Variants in PHF14 observed in about 807,000 individuals in gnomAD.
PHF14 encodes PHD finger protein 14.
Under a neutral mutation model 117.9 loss-of-function variants are expected in PHF14, and 55 were observed. The ratio of observed to expected loss-of-function variants is 0.47; its 90% CI spans 0.38 to 0.58. The LOEUF is 0.58. Ranked by LOEUF, PHF14 falls within the 20% of genes least tolerant of loss-of-function variation. The pLI is 0.00. For missense variants in PHF14, 978 were observed against 1,122.2 expected (o/e 0.87, Z 1.84); for synonymous variants, 409 against 368.6 (o/e 1.11, Z -1.26).
At chr7:11,003,647 T>A (rs996719876) in intron 4 of PHF14, among the ~76,000 whole-genome samples, 2 of 152,184 alleles carry the variant, frequency 1.3e-5, no homozygotes, top group Non-Finnish European at 1.5e-5. Context: ...AAATTACCTA[T>A]TTTTTTGTTT....
chr7:11,103,889 T>A, intron 16 of PHF14: 4 of 981,130 alleles, frequency 4.1e-6, no homozygotes, highest in Non-Finnish European at 4.8e-6. Flanking sequence ...AGGAAAAATA[T>A]TCATAATCTT....
At chr7:11,100,985 C>T (rs553002645) in intron 16 of PHF14, among the ~76,000 whole-genome samples, 6 of 151,918 alleles carry the variant, frequency 3.9e-5, no homozygotes, top group African/African-American at 1.4e-4. Context: ...CCTTTGAAAA[C>T]AATTTTTTCT....
At chr7:11,107,629 TC>T (rs1380135170) in intron 16 of PHF14, 1 of 719,596 alleles carries the variant, frequency 1.4e-6, no homozygotes, top group Non-Finnish European at 1.7e-6. Context: ...AGTTTTGTAT[TC>T]TTTTTTAATA....
chr7:11,132,708 C>T (rs1277538036), intron 17 of PHF14, among the ~76,000 whole-genome samples: 1 of 151,680 alleles, frequency 6.6e-6, no homozygotes, highest in Non-Finnish European at 1.5e-5. Context: ...TACCAACTTA[C>T]ATTCCTACTA....
intron 3 of PHF14, among the ~76,000 whole-genome samples, chr7:10,987,512 C>A (rs1367034397): frequency 6.6e-6 from 1 of 151,860 alleles, no homozygotes; most frequent in African/African-American, 2.4e-5. Context: ...AGTTTTAAAT[C>A]CTGATGGAAA....
At chr7:11,071,303 A>G (rs1227783071) in intron 16 of PHF14, 1 of 518,310 alleles carries the variant, frequency 1.9e-6, no homozygotes, top group African/African-American at 1.9e-5. Flanking sequence ...ATTTGATCAC[A>G]AGCTCCTGTG....
At chr7:10,981,238 C>A (rs1371754700) in intron 2 of PHF14, among the ~76,000 whole-genome samples, 2 of 152,020 alleles carry the variant, frequency 1.3e-5, no homozygotes, top group Non-Finnish European at 2.9e-5. Flanking sequence ...TTTACTTTTT[C>A]CACCATTTTA....
intron 4 of PHF14, among the ~76,000 whole-genome samples, chr7:10,994,450 T>A (rs1419970710): frequency 6.6e-6 from 1 of 152,028 alleles, no homozygotes; most frequent in Non-Finnish European, 1.5e-5. Context: ...AAAAAAAAGA[T>A]CTTGAAGTGG....
intron 13 of PHF14, among the ~76,000 whole-genome samples, chr7:11,044,373 T>A (rs1389399127): frequency 2.0e-5 from 3 of 152,050 alleles, no homozygotes; most frequent in Non-Finnish European, 4.4e-5. Context: ...GGTGTTTTAG[T>A]GAGAGCACTT....
chr7:11,004,543 C>G (rs1415993696), intron 4 of PHF14, among the ~76,000 whole-genome samples: 1 of 151,994 alleles, frequency 6.6e-6, no homozygotes, highest in Non-Finnish European at 1.5e-5. Context: ...CTCCATTAAT[C>G]TAGAACAATT....
chr7:11,036,754 A>G, intron 9 of PHF14, 66 bp downstream of exon 9: 2 of 1,400,544 alleles, frequency 1.4e-6, no homozygotes, highest in Non-Finnish European at 2.0e-6. Context: ...AATGTTTGAT[A>G]TACTGTTAAT....
chr7:11,119,306 A>T (rs542754092), intron 17 of PHF14, among the ~76,000 whole-genome samples: 1 of 152,026 alleles, frequency 6.6e-6, no homozygotes, highest in African/African-American at 2.4e-5. Flanking sequence ...AGGACATTTT[A>T]TTACGGCTTT....
At chr7:11,156,660 T>G (rs967800919) in intron 17 of PHF14, among the ~76,000 whole-genome samples, 39 of 152,198 alleles carry the variant, frequency 2.6e-4, no homozygotes, top group African/African-American at 9.2e-4. Context: ...CCGGGTGTAG[T>G]GGCAGGCGCC....
chr7:10,990,620 T>A, intron 3 of PHF14, 83 bp from the exon 4 acceptor site: 1 of 791,748 alleles, frequency 1.3e-6, no homozygotes, highest in Non-Finnish European at 2.0e-6. Context: ...TAATAATGTT[T>A]AAGTAATAAA....
intron 17 of PHF14, among the ~76,000 whole-genome samples, chr7:11,119,559 G>A (rs565783039): frequency 4.6e-5 from 7 of 151,552 alleles, no homozygotes; most frequent in Non-Finnish European, 8.9e-5. Context: ...TGAAAATATC[G>A]CCTAAATAAT....
At chr7:11,084,925 T>A (rs1235079587) in intron 16 of PHF14, among the ~76,000 whole-genome samples, 4 of 152,190 alleles carry the variant, frequency 2.6e-5, no homozygotes, top group Non-Finnish European at 1.5e-5. Context: ...GATTTTTTTT[T>A]CTTTTTTAAA....
At chr7:11,055,856 T>C (rs1244496281) in intron 14 of PHF14, among the ~76,000 whole-genome samples, 1 of 150,790 alleles carries the variant, frequency 6.6e-6, no homozygotes, top group Middle Eastern at 3.4e-3. Flanking sequence ...GATGTTAGTT[T>C]AGGAAAAATG....
intron 3 of PHF14, 75 bp downstream of exon 3, chr7:10,983,234 A>G: frequency 6.8e-7 from 1 of 1,480,666 alleles, no homozygotes. Flanking sequence ...TACACATTGT[A>G]TTAAGTGGCT....
At chr7:11,102,394 C>T in intron 16 of PHF14, 3 of 1,358,692 alleles carry the variant, frequency 2.2e-6, no homozygotes, top group Non-Finnish European at 3.1e-6. Flanking sequence ...TTTGAATCTA[C>T]TGTGGTTTGT....
Sources: gnomAD v4.1 joint callset for allele counts (sites outside exome capture counted in the v4.1 genomes callset) on GRCh38, gnomAD v4.1.1 for gene constraint, MANE v1.5 for transcripts, NCBI Gene and HGNC (gene_info 2026-07-23, HGNC 2026-07-21) for gene names.